NOSTRIN: variants seen among roughly 807,000 people sequenced by gnomAD.
NOSTRIN encodes nitric oxide synthase trafficking, also known as BM247 homolog.
A neutral mutation model predicts 59.0 loss-of-function variants in NOSTRIN; 63 were observed. That is an observed-to-expected ratio of 1.07 (90% CI 0.87 to 1.32). The LOEUF is 1.32. Among genes scored for constraint, NOSTRIN ranks in the 40% most tolerant of loss-of-function variants. The probability of loss-of-function intolerance (pLI) is 0.00; values close to 1 mark genes in which losing one functional copy is unlikely to be tolerated. For synonymous variants in NOSTRIN, 200 were observed against 165.4 expected, an observed-to-expected ratio of 1.21 and a Z score of -1.61; for missense variants, 512 against 473.1, an observed-to-expected ratio of 1.08 and a Z score of -0.76.
chr2:168,859,041 A>G (rs1204540717), intron 12 of NOSTRIN: 2 of 152,760 alleles, frequency 1.3e-5, no homozygotes, highest in Admixed American at 1.3e-4. Flanking sequence ...CTTTGTGGGT[A>G]ATATAAGACC....
upstream of NOSTRIN, among the ~76,000 whole-genome samples, chr2:168,795,400 G>A (rs1016168851): frequency 6.6e-6 from 1 of 152,218 alleles, no homozygotes; most frequent in African/African-American, 2.4e-5. Flanking sequence ...AAATGTCCTT[G>A]TTCTCATGCT....
chr2:168,862,617 A>C (rs956827601), intron 15 of NOSTRIN, among the ~76,000 whole-genome samples: 2 of 152,226 alleles, frequency 1.3e-5, no homozygotes, highest in Non-Finnish European at 2.9e-5. Flanking sequence ...ACTTCTCAGA[A>C]AAGCTTTTTA....
At chr2:168,840,606 T>G (rs1253463620) in intron 7 of NOSTRIN, among the ~76,000 whole-genome samples, 2 of 151,142 alleles carry the variant, frequency 1.3e-5, no homozygotes, top group Non-Finnish European at 2.9e-5. Context: ...GGGACAGTTG[T>G]ATAGCCTTAG....
intron 9 of NOSTRIN, 22 bp downstream of exon 9, chr2:168,851,204 A>G (rs1284627673): frequency 1.2e-6 from 2 of 1,614,136 alleles, no homozygotes; most frequent in Non-Finnish European, 1.7e-6. Flanking sequence ...TGATCTCTCC[A>G]TTTCTGGTAT....
intron 1 of NOSTRIN, 77 bp downstream of exon 1, chr2:168,802,750 CTT>C: frequency 2.4e-6 from 2 of 833,198 alleles, no homozygotes; most frequent in Non-Finnish European, 2.1e-6. Flanking sequence ...TGGATTTTAA[CTT>C]AAGAAATTTG....
At position 168,856,762 on chromosome 2, in the gene NOSTRIN, C is replaced by G; in HGVS notation, c.1037C>G (p.Ala346Gly). The change falls in exon 12 of 16, where the codon GCA (alanine) becomes GGA (glycine). Residue 346 changes from alanine to glycine, a missense_variant. Coordinates refer to ENST00000317647, the MANE Select transcript of NOSTRIN (RefSeq NM_001039724.4). ...GATGCAAAGAGCCAGAAAGACACAG[C>G]AGCGTTAATGGATGAGGTAAATGTT... ...FSDAKSQKDTAALMDENNLKL... is the reference protein window; with the variant it reads ...FSDAKSQKDTGALMDENNLKL... 1.9e-6 allele frequency: 3 copies of G among 1,614,036 alleles called. No homozygotes were observed. Among genetic ancestry groups the G allele is most frequent in the Non-Finnish European group, 2.5e-6 (3 of 1,179,920 alleles).
chr2:168,815,593 T>C (rs1686351991), intron 2 of NOSTRIN, among the ~76,000 whole-genome samples: 1 of 152,176 alleles, frequency 6.6e-6, no homozygotes, highest in Non-Finnish European at 1.5e-5. Flanking sequence ...GTTCAATCCA[T>C]GATTCATTGC....
intron 2 of NOSTRIN, among the ~76,000 whole-genome samples, chr2:168,814,474 G>A (rs1358035786): frequency 6.6e-6 from 1 of 152,180 alleles, no homozygotes; most frequent in Non-Finnish European, 1.5e-5. Flanking sequence ...CTTATTACAT[G>A]TGAACCAATG....
intron 7 of NOSTRIN, 69 bp downstream of exon 7, chr2:168,834,394 A>G (rs1307031707): frequency 1.3e-6 from 1 of 783,526 alleles, no homozygotes; most frequent in East Asian, 2.6e-5. Context: ...TTAGCTACGA[A>G]CACAAGAGAA....
In NOSTRIN at chr2:168,807,128, C is replaced by T. The variant is rs374315449; in HGVS notation, c.28-4439C>T. Among the ~76,000 whole-genome samples the T allele has an allele frequency of 2.6e-5, 4 of 152,218 alleles. No homozygotes were observed. In the South Asian group the frequency reaches 8.3e-4, roughly 32 times the overall value. On this transcript the variant is annotated intron_variant, in intron 1 of 15. Transcript: ENST00000317647. ...CTTTGGTGGCTTGCAAACTGTGCTC[C>T]ATGGAACCCTTTCAGAGTCCTCTCT...
At chr2:168,856,800 T>C in intron 12 of NOSTRIN, 22 bp downstream of exon 12, 1 of 1,604,590 alleles carries the variant, frequency 6.2e-7, no homozygotes, top group Non-Finnish European at 8.5e-7. Context: ...CCGAGTGCAT[T>C]TCCTAGATGT....
intron 6 of NOSTRIN, among the ~76,000 whole-genome samples, chr2:168,833,977 G>A (rs902659311): frequency 2.0e-5 from 3 of 152,164 alleles, no homozygotes; most frequent in Admixed American, 6.5e-5. Flanking sequence ...GAGGGTACCC[G>A]ATATAATGAA....
intron 2 of NOSTRIN, among the ~76,000 whole-genome samples, chr2:168,820,026 C>T (rs1219609259): frequency 6.6e-6 from 1 of 152,224 alleles, no homozygotes; most frequent in Non-Finnish European, 1.5e-5. Flanking sequence ...CCTCCAGGAG[C>T]TGTGCTGATT....
chr2:168,837,458 G>A (rs1303463199), intron 7 of NOSTRIN, among the ~76,000 whole-genome samples: 4 of 151,296 alleles, frequency 2.6e-5, no homozygotes, highest in East Asian at 1.9e-4. Context: ...TACAGGCCCC[G>A]CCACCACACC....
At chr2:168,850,899 G>C in intron 8 of NOSTRIN, 185 bp from the exon 9 acceptor site, 1 of 797,818 alleles carries the variant, frequency 1.3e-6, no homozygotes, top group Non-Finnish European at 2.1e-6. Context: ...GTGTGTGAGT[G>C]ATTTAAGATA....
chr2:168,856,811 A>G, intron 12 of NOSTRIN, 33 bp downstream of exon 12: 1 of 1,583,164 alleles, frequency 6.3e-7, no homozygotes, highest in Non-Finnish European at 8.7e-7. Context: ...TCCTAGATGT[A>G]GTGATGAAAA....
chr2:168,855,882 G>C (rs181957371), intron 11 of NOSTRIN: 1 of 448,368 alleles, frequency 2.2e-6, no homozygotes, highest in Non-Finnish European at 4.4e-6. Flanking sequence ...AATTCTGTAC[G>C]TAGAAGTTAG....
intron 8 of NOSTRIN, among the ~76,000 whole-genome samples, chr2:168,845,124 C>T (rs1295870543): frequency 6.6e-6 from 1 of 152,144 alleles, no homozygotes; most frequent in Non-Finnish European, 1.5e-5. Flanking sequence ...TGAACATAAG[C>T]TCCGGGTACT....
intron 2 of NOSTRIN, among the ~76,000 whole-genome samples, chr2:168,817,713 G>A (rs1686489560): frequency 6.6e-6 from 1 of 152,158 alleles, no homozygotes; most frequent in Admixed American, 6.5e-5. Flanking sequence ...GGGGCTCAGT[G>A]AGACTCCCAA....
Sources: allele counts gnomAD v4.1 joint callset (sites outside exome capture counted in the v4.1 genomes callset), GRCh38; gene constraint gnomAD v4.1.1; transcripts MANE v1.5; gene names NCBI Gene and HGNC (gene_info 2026-07-23, HGNC 2026-07-21).